PCDHGB4: variants seen among roughly 807,000 people sequenced by gnomAD.
PCDHGB4 encodes the protein protocadherin gamma subfamily B, 4.
Under a neutral mutation model 60.5 loss-of-function variants are expected in PCDHGB4, and 38 were observed. The ratio of observed to expected loss-of-function variants is 0.63; its 90% confidence interval spans 0.48 to 0.82. The LOEUF is 0.82. Ranked by LOEUF, PCDHGB4 falls within the 40% of genes least tolerant of loss-of-function variation. The pLI, the probability that PCDHGB4 is intolerant of heterozygous loss-of-function variation, is 0.00. For missense variants in PCDHGB4, 1,109 were observed against 1,209.6 expected (o/e 0.92, Z 1.23); for synonymous variants, 456 against 509.7 (o/e 0.89, Z 1.42).
chr5:141,457,877 C>A (rs1488774514), intron 1 of PCDHGB4, among the ~76,000 whole-genome samples: 1 of 152,196 alleles, frequency 6.6e-6, no homozygotes, highest in Admixed American at 6.6e-5. Context: ...AGGTTAGGAA[C>A]CCTGTGTGGG....
intron 1 of PCDHGB4, chr5:141,403,769 A>G (rs2094453064): frequency 6.2e-7 from 1 of 1,613,948 alleles, no homozygotes; most frequent in Non-Finnish European, 8.5e-7. Context: ...GGATGAGGGA[A>G]TCAACGGAAA....
chr5:141,412,108 G>A (rs897331971), intron 1 of PCDHGB4: 2 of 152,198 alleles, frequency 1.3e-5, no homozygotes, highest in Admixed American at 6.5e-5. Flanking sequence ...CACAGTTGAA[G>A]ATATGTGAAC....
rs1360494290 is a variant in PCDHGB4 at position 141,433,285 on chromosome 5, C to T, written c.2397+43004C>T. On this transcript the variant is annotated intron_variant, in intron 1 of 3. Coordinates refer to ENST00000519479, the MANE Select transcript of PCDHGB4 (RefSeq NM_003736.4). ...CATAGCTCACTGCAGCCTCAAACTCCTAGGCTCAAGCAATTATCCCACCTT... is the reference window on the plus strand; with the variant it reads ...CATAGCTCACTGCAGCCTCAAACTCTTAGGCTCAAGCAATTATCCCACCTT... The T allele has an allele frequency of 6.8e-6, 8 of 1,169,708 alleles. No individual in the cohort carries two copies. In the East Asian group the frequency reaches 1.7e-4, roughly 25 times the overall value. The allele number at this position is 1,169,708 out of a possible 1,614,324, so 72.5% of individuals were successfully genotyped here. A position where few individuals can be genotyped will look rare whatever the true frequency, so the allele number is the denominator to read the frequency against.
At chr5:141,482,936 G>T (rs2099574800) in intron 1 of PCDHGB4, among the ~76,000 whole-genome samples, 1 of 152,050 alleles carries the variant, frequency 6.6e-6, no homozygotes, top group Admixed American at 6.5e-5. Context: ...AGCCAGGTGT[G>T]GTTGTGGGTG....
chr5:141,512,262 C>G lies in PCDHGB4; in HGVS notation c.*1089C>G, dbSNP rs925517361. On this transcript the variant is annotated 3_prime_UTR_variant, in exon 4 of 4. Transcript: ENST00000519479. ...GAGGGGCCTCTGTGGGTGCTGGGTA[C>G]TCCAGAGGTGCCACTGGTGGAAGGG... 1 of 152,712 alleles carries G rather than the reference C, an allele frequency of 6.5e-6. No homozygotes were observed. The highest frequency in any genetic ancestry group is 2.4e-5 in the African/African-American group (1 of 41,452). 9.5% of individuals were successfully genotyped at this position (152,712 alleles called of 1,614,324 possible).
Position 141,431,253 on chromosome 5 carries a change from A to G in PCDHGB4, c.2397+40972A>G, listed in dbSNP as rs1554123268. The G allele has an allele frequency of 1.2e-6, 2 of 1,614,132 alleles. No individual in the cohort carries two copies. Among genetic ancestry groups the G allele is most frequent in the South Asian group, 1.1e-5 (1 of 91,088 alleles). ...GCCTGGGATCCGGATATCGGGAAGA[A>G]CTCTCTGCAGAGCTACGAGCTCAGC... is the stretch of plus-strand genomic sequence containing the variant. On this transcript the variant is annotated intron_variant, in intron 1 of 3. Transcript: ENST00000519479. The surrounding 1 kb of genome is among the most constrained non-coding windows in gnomAD (Gnocchi z 4.8).
At chr5:141,483,076 C>A (rs964178941) in intron 1 of PCDHGB4, among the ~76,000 whole-genome samples, 8 of 152,044 alleles carry the variant, frequency 5.3e-5, no homozygotes, top group Non-Finnish European at 8.8e-5. Context: ...CAGAGAGAGA[C>A]TCCATCTCAA....
rs561908431 is a variant in PCDHGB4, at chr5:141,510,639, TATC to T, written c.2546-304_2546-302del. Among the ~76,000 whole-genome samples the T allele has an allele frequency of 8.5e-3, 1,289 of 152,298 alleles. 6 individuals carry two copies. Among genetic ancestry groups the T allele is most frequent in the Middle Eastern group, 0.058 (17 of 294 alleles). On this transcript the variant is annotated intron_variant, in intron 3 of 3. Transcript: ENST00000519479. ...TAAAACCAGAAGAGGTGGTTACCAT[TATC>T]ATCCCCATTTTGCAGATGAGAAAAC...
intron 1 of PCDHGB4, among the ~76,000 whole-genome samples, chr5:141,461,100 T>C (rs926482549): frequency 1.1e-4 from 16 of 152,062 alleles, no homozygotes; most frequent in African/African-American, 3.6e-4. Context: ...TATAAACATA[T>C]GTGTCCAAGT....
chr5:141,413,906 C>G, intron 1 of PCDHGB4: 1 of 1,613,310 alleles, frequency 6.2e-7, no homozygotes. Context: ...GACAACGCGC[C>G]GGTCTTCACC....
At chr5:141,423,066 C>T (rs1375575018) in intron 1 of PCDHGB4, 2 of 1,614,002 alleles carry the variant, frequency 1.2e-6, no homozygotes, top group South Asian at 1.1e-5. Context: ...TTAAGGCCAG[C>T]GAGCCGGGAC....
At position 141,477,681 on chromosome 5, in the gene PCDHGB4, T is replaced by C; in HGVS notation, c.2398-17126T>C. On this transcript the variant is annotated intron_variant, in intron 1 of 3. Coordinates refer to ENST00000519479, the MANE Select transcript of PCDHGB4 (RefSeq NM_003736.4). The surrounding 1 kb of genome is among the most constrained non-coding windows in gnomAD (Gnocchi z 4.9). The stretch of plus-strand genomic sequence containing the variant: ...CGTGACAATGGCATAGTGTCATCCT[T>C]AGTGCCCCTAGACTATGAGGATCGG... 6.2e-7 allele frequency: 1 copy of C among 1,614,180 alleles called. No individual in the cohort carries two copies. The highest frequency in any genetic ancestry group is 8.5e-7 in the Non-Finnish European group (1 of 1,180,046).
intron 1 of PCDHGB4, chr5:141,392,651 C>G (rs1228467133): frequency 1.4e-6 from 1 of 708,830 alleles, no homozygotes; most frequent in Non-Finnish European, 2.2e-6. Flanking sequence ...CGAAGACCCG[C>G]AGATGCCACA....
chr5:141,495,221 G>A lies in PCDHGB4; in HGVS notation c.2456+356G>A, dbSNP rs376660961. On this transcript the variant is annotated intron_variant, in intron 2 of 3. Coordinates refer to ENST00000519479, the MANE Select transcript of PCDHGB4 (RefSeq NM_003736.4). ...ACTGCCTAACCCCCTCCCCTGAGTT[G>A]AGCTGGGCTCCATTATGACCTGGGG... Among the ~76,000 whole-genome samples, 26 of 152,300 alleles carry A rather than the reference G, an allele frequency of 1.7e-4. 1 individual carries two copies. The East Asian group carries it at 4.4e-3, about 26-fold the overall frequency.
At chr5:141,400,007 C>T (rs907315450) in intron 1 of PCDHGB4, 30 of 1,612,624 alleles carry the variant, frequency 1.9e-5, no homozygotes, top group Non-Finnish European at 2.5e-5. Flanking sequence ...ACAGCGCGTG[C>T]CTTGGGCGAC....
rs938964469 is a variant in PCDHGB4 at position 141,485,439 on chromosome 5, C to T, written c.2398-9368C>T. On this transcript the variant is annotated intron_variant, in intron 1 of 3. Transcript: ENST00000519479. This position sits in a 1 kb window ranked among gnomAD's most constrained non-coding sequence, Gnocchi z 5.7. The stretch of plus-strand genomic sequence containing the variant: ...AGCGGAGCCCTGCTCATCAAGAACC[C>T]AATCGACCGAGAGGCACTGTGTGGG... The T allele has an allele frequency of 1.1e-5, 18 of 1,614,182 alleles. No homozygotes were observed. Among genetic ancestry groups the T allele is most frequent in the Non-Finnish European group, 1.5e-5 (18 of 1,180,036 alleles).
At chr5:141,399,818 G>A in intron 1 of PCDHGB4, 1 of 1,613,204 alleles carries the variant, frequency 6.2e-7, no homozygotes, top group Non-Finnish European at 8.5e-7. Context: ...CCCGCGCTGG[G>A]TCCCGACGGC....
chr5:141,478,435 G>A, intron 1 of PCDHGB4: 1 of 1,613,736 alleles, frequency 6.2e-7, no homozygotes, highest in Non-Finnish European at 8.5e-7. Context: ...ACCCGCTGCT[G>A]AAGAAACCTG....
chr5:141,418,891 C>G (rs774546487), intron 1 of PCDHGB4: 4 of 1,613,842 alleles, frequency 2.5e-6, no homozygotes, highest in East Asian at 2.2e-5. Context: ...ACGACAACAG[C>G]CCAGAAATAA....
Sources: gnomAD v4.1 joint callset for allele counts (sites outside exome capture counted in the v4.1 genomes callset) on GRCh38, gnomAD v4.1.1 for gene constraint, Gnocchi (gnomAD v3.1) non-coding constraint, MANE v1.5 for transcripts, NCBI Gene and HGNC (gene_info 2026-07-23, HGNC 2026-07-21) for gene names.